RANBP2: variants seen among roughly 807,000 people sequenced by gnomAD.
The protein encoded by RANBP2 is E3 SUMO-protein ligase RanBP2.
In RANBP2, 57 loss-of-function variants were observed where a neutral mutation model predicts 303.6. That is an observed-to-expected ratio of 0.19 (90% CI 0.15 to 0.23). The LOEUF is 0.23. Ranked by LOEUF, RANBP2 falls within the 10% of genes least tolerant of loss-of-function variation. The pLI, the probability that RANBP2 is intolerant of heterozygous loss-of-function variation, is 1.00. For missense variants in RANBP2, 3,138 were observed against 3,780.8 expected, an observed-to-expected ratio of 0.83 and a Z score of 4.46; for synonymous variants, 1,167 against 1,301.5, an observed-to-expected ratio of 0.90 and a Z score of 2.23.
At chr2:109,608,656 T>C in the RANBP2 span, among the ~76,000 whole-genome samples, 1 of 152,246 alleles carries the variant, frequency 6.6e-6, no homozygotes, top group East Asian at 1.9e-4. Context: ...TATTAAATCA[T>C]ATTTGTTTTA....
Position 108,763,854 on chromosome 2 carries a change from T to C in RANBP2, c.3315T>C (p.Asn1105=). The part of the protein sequence containing the change: ...PRNTFNFGSK[N]VSGISFTENM... ...ATACATTCAATTTTGGAAGCAAAAATGTGTCTGGAATTTCATTTACAGAAA... is the reference window on the plus strand; with the variant it reads ...ATACATTCAATTTTGGAAGCAAAAACGTGTCTGGAATTTCATTTACAGAAA... Residue 1105 remains asparagine, a synonymous_variant, in exon 20 of 29, where the codon AAT becomes AAC. Transcript: ENST00000283195. 1 of 1,613,980 alleles carries C rather than the reference T, an allele frequency of 6.2e-7. No homozygotes were observed. Among genetic ancestry groups the C allele is most frequent in the Non-Finnish European group, 8.5e-7 (1 of 1,179,978 alleles).
chr2:108,843,785 G>A, the RANBP2 span, among the ~76,000 whole-genome samples: 1 of 150,084 alleles, frequency 6.7e-6, no homozygotes, highest in East Asian at 2.0e-4. Flanking sequence ...TTCAGTCTCT[G>A]GGCACGTTTT....
chr2:108,795,218 G>C, the RANBP2 span, among the ~76,000 whole-genome samples: 3 of 135,292 alleles, frequency 2.2e-5, no homozygotes, highest in Non-Finnish European at 4.6e-5. Flanking sequence ...GCTGTGGTGT[G>C]ATCTTGGCTC....
the RANBP2 span, among the ~76,000 whole-genome samples, chr2:108,971,085 G>A: frequency 0.011 from 1,606 of 152,184 alleles, 13 homozygotes; most frequent in Non-Finnish European, 0.016. Flanking sequence ...TGCTCACTGG[G>A]GGATTCTTCA....
the RANBP2 span, among the ~76,000 whole-genome samples, chr2:108,937,564 G>A: frequency 6.6e-4 from 100 of 152,094 alleles, 1 homozygote; most frequent in Middle Eastern, 0.01. Context: ...TGTTATGTGT[G>A]TGTGTATGCT....
At chr2:109,243,587 T>C in the RANBP2 span, among the ~76,000 whole-genome samples, 1 of 152,172 alleles carries the variant, frequency 6.6e-6, no homozygotes, top group African/African-American at 2.4e-5. Flanking sequence ...AGAATGACTT[T>C]TATATTTGGT....
intron 25 of RANBP2, among the ~76,000 whole-genome samples, 157 bp from the exon 26 acceptor site, chr2:108,781,112 C>T (rs1016013361): frequency 3.9e-5 from 6 of 152,258 alleles, no homozygotes; most frequent in Non-Finnish European, 8.8e-5. Context: ...GCTGGGATTA[C>T]AGGCGTGAGG....
At chr2:109,123,372 A>G in the RANBP2 span, among the ~76,000 whole-genome samples, 3 of 76,252 alleles carry the variant, frequency 3.9e-5, no homozygotes, top group Non-Finnish European at 7.7e-5. Context: ...CCTTCCTTCC[A>G]TCCTTCTCTC....
At chr2:109,452,762 G>T in the RANBP2 span, among the ~76,000 whole-genome samples, 2 of 150,970 alleles carry the variant, frequency 1.3e-5, no homozygotes, top group Admixed American at 6.6e-5. Context: ...GGCTGGTGCT[G>T]GCAGGCTGGT....
At chr2:108,864,766 C>A in the RANBP2 span, among the ~76,000 whole-genome samples, 148 of 150,344 alleles carry the variant, frequency 9.8e-4, 1 homozygote, top group African/African-American at 3.6e-3. Context: ...TGCACTCCAG[C>A]CTGGGCGACA....
chr2:109,184,112 C>T, the RANBP2 span, among the ~76,000 whole-genome samples: 10 of 152,154 alleles, frequency 6.6e-5, no homozygotes, highest in East Asian at 1.2e-3. Context: ...CCATGTGCTT[C>T]GTAGTCTCCT....
At chr2:109,557,129 C>T in the RANBP2 span, among the ~76,000 whole-genome samples, 1 of 151,680 alleles carries the variant, frequency 6.6e-6, no homozygotes, top group Non-Finnish European at 1.5e-5. Flanking sequence ...ATGTAACAAA[C>T]CAGCACGTTG....
chr2:109,171,641 G>A, the RANBP2 span, among the ~76,000 whole-genome samples: 2 of 152,350 alleles, frequency 1.3e-5, no homozygotes, highest in Admixed American at 6.5e-5. Flanking sequence ...TCCTGTGCGG[G>A]AATGAATCCA....
the RANBP2 span, among the ~76,000 whole-genome samples, chr2:109,620,787 T>G: frequency 6.6e-6 from 1 of 152,192 alleles, no homozygotes. Flanking sequence ...TGGCCTTAAA[T>G]AGTCTAAGTA....
chr2:109,291,280 CT>C, the RANBP2 span, among the ~76,000 whole-genome samples: 48,143 of 137,118 alleles, frequency 0.35, 7,963 homozygotes, highest in East Asian at 0.54. Context: ...AGAGTAATCT[CT>C]TTTTTTTTTT....
At chr2:108,880,688 C>T in the RANBP2 span, among the ~76,000 whole-genome samples, 2 of 152,278 alleles carry the variant, frequency 1.3e-5, no homozygotes, top group African/African-American at 4.8e-5. Context: ...GATGACAGCA[C>T]ATCTGTTTAC....
the RANBP2 span, among the ~76,000 whole-genome samples, chr2:109,437,456 ATAT>A: frequency 2.6e-5 from 4 of 152,208 alleles, no homozygotes; most frequent in African/African-American, 9.6e-5. Context: ...AAATTTACAA[ATAT>A]TTACACATTT....
At chr2:109,672,915 A>T in the RANBP2 span, among the ~76,000 whole-genome samples, 2 of 152,332 alleles carry the variant, frequency 1.3e-5, no homozygotes, top group East Asian at 3.9e-4. Context: ...TAGAAATTTG[A>T]ATACTGCTAA....
downstream of RANBP2, among the ~76,000 whole-genome samples, chr2:108,787,579 G>C (rs1408515471): frequency 6.6e-6 from 1 of 152,118 alleles, no homozygotes; most frequent in African/African-American, 2.4e-5. Flanking sequence ...CAATTATCTC[G>C]ATAAAACCTT....
Sources: gnomAD v4.1 joint callset for allele counts (sites outside exome capture counted in the v4.1 genomes callset) on GRCh38, gnomAD v4.1.1 for gene constraint, MANE v1.5 for transcripts, NCBI Gene and HGNC (gene_info 2026-07-23, HGNC 2026-07-21) for gene names.